Variants in BRCA2 observed in about 807,000 individuals in gnomAD.
BRCA2 encodes the protein BRCA2 DNA repair associated, also known as breast cancer type 2 susceptibility protein.
Under a neutral mutation model 276.7 loss-of-function variants are expected in BRCA2, and 203 were observed. The observed-to-expected ratio is 0.73, with a 90% CI of 0.65 to 0.82. The LOEUF is 0.82. Among genes scored for constraint, BRCA2 ranks in the 40% least tolerant of loss-of-function variants. The pLI, the probability that BRCA2 is intolerant of heterozygous loss-of-function variation, is 0.00. For synonymous variants in BRCA2, 1,289 were observed against 1,338.4 expected, an observed-to-expected ratio of 0.96 and a Z score of 0.81; for missense variants, 3,920 against 3,915.0, an observed-to-expected ratio of 1.00 and a Z score of -0.03.
At chr13:32,372,440 A>G (rs1407467482) in intron 20 of BRCA2, among the ~76,000 whole-genome samples, 4 of 152,184 alleles carry the variant, frequency 2.6e-5, no homozygotes, top group Admixed American at 1.3e-4. Context: ...GAAACTTACA[A>G]TCATGGCGGA....
At chr13:32,362,481 C>T (rs757736851) in intron 16 of BRCA2, 42 bp from the exon 17 acceptor site, 2 of 1,557,680 alleles carry the variant, frequency 1.3e-6, no homozygotes, top group Non-Finnish European at 1.8e-6. Flanking sequence ...CAGTATCATC[C>T]TATGTGGTTT....
At chr13:32,371,220 A>G in intron 20 of BRCA2, 120 bp downstream of exon 20, 15 of 1,051,004 alleles carry the variant, frequency 1.4e-5, no homozygotes, top group Non-Finnish European at 2.1e-5. Context: ...AATTGACTTT[A>G]TTTTTTAGTA....
At chr13:32,390,895 C>A (rs1409790570) in intron 24 of BRCA2, among the ~76,000 whole-genome samples, 1 of 152,156 alleles carries the variant, frequency 6.6e-6, no homozygotes, top group East Asian at 1.9e-4. Context: ...CTCATAGTCA[C>A]ACTGTTCATT....
rs398122586 is a variant in BRCA2, at chr13:32,357,761, C to G, written c.7637C>G (p.Ser2546Cys). 1 of 1,613,136 alleles carries G rather than the reference C, an allele frequency of 6.2e-7. No homozygotes were observed. Among genetic ancestry groups the G allele is most frequent in the South Asian group, 1.1e-5 (1 of 91,016 alleles). ...GTGTAGCTGTATACGTATGGCGTTT[C>G]TAAACATTGCATAAAAATTAACAGC... ...SHKQLYTYGVSKHCIKINSKN... is the reference protein window; with the variant it reads ...SHKQLYTYGVCKHCIKINSKN... Residue 2546 changes from serine to cysteine, a missense_variant, in exon 16 of 27, where the codon TCT (serine) becomes TGT (cysteine). This residue lies in a region of BRCA2 where 3,263 missense variants were observed against 3,156.9 expected (regional missense o/e 1.03). Transcript: ENST00000380152.
intron 20 of BRCA2, 65 bp downstream of exon 20, chr13:32,371,165 A>T (rs1451777815): frequency 6.6e-7 from 1 of 1,525,434 alleles, no homozygotes; most frequent in Non-Finnish European, 9.0e-7. Flanking sequence ...AGAGACTTTG[A>T]ATTTAACATT....
At chr13:32,379,941 GT>G in intron 23 of BRCA2, 28 bp downstream of exon 23, 2 of 1,612,920 alleles carry the variant, frequency 1.2e-6, no homozygotes, top group Non-Finnish European at 1.7e-6. Flanking sequence ...TAATTTTTCA[GT>G]TTTGATAAGT....
In BRCA2 at chr13:32,339,541, A is replaced by C. The variant is rs772860507; in HGVS notation, c.5186A>C (p.Lys1729Thr). The C allele has an allele frequency of 1.9e-6, 3 of 1,605,352 alleles. No individual in the cohort carries two copies. In the East Asian group the frequency reaches 6.7e-5, roughly 36 times the overall value. Reference sequence around the variant, plus strand: ...AACAGTACTATAGCTGAAAATGACAAAAATCATCTCTCCGAAAAACAAGAT... The same window carrying C: ...AACAGTACTATAGCTGAAAATGACACAAATCATCTCTCCGAAAAACAAGAT... Reference protein sequence around the residue: ...NSNSTIAENDKNHLSEKQDTY... With the variant: ...NSNSTIAENDTNHLSEKQDTY... The change falls in exon 11 of 27, where the codon AAA becomes ACA. Residue 1729 changes from lysine (K) to threonine (T), a missense_variant. This residue lies in a region of BRCA2 where 3,263 missense variants were observed against 3,156.9 expected (regional missense o/e 1.03). Coordinates refer to ENST00000380152, the MANE Select transcript of BRCA2 (RefSeq NM_000059.4).
At chr13:32,370,292 A>T in intron 18 of BRCA2, 110 bp from the exon 19 acceptor site, 2 of 1,082,520 alleles carry the variant, frequency 1.8e-6, no homozygotes, top group African/African-American at 3.2e-5. Flanking sequence ...AGACTTTTTA[A>T]AGTGAATATT....
At chr13:32,372,473 CT>C (rs2072841177) in intron 20 of BRCA2, among the ~76,000 whole-genome samples, 1 of 152,150 alleles carries the variant, frequency 6.6e-6, no homozygotes, top group Non-Finnish European at 1.5e-5. Flanking sequence ...AGCAAGTACC[CT>C]TTTCATAAGG....
At chr13:32,362,809 C>G in intron 17 of BRCA2, 116 bp downstream of exon 17, 2 of 1,093,924 alleles carry the variant, frequency 1.8e-6, no homozygotes, top group Non-Finnish European at 1.4e-6. Flanking sequence ...TGACAGTTGC[C>G]ATCCCACACT....
intron 24 of BRCA2, among the ~76,000 whole-genome samples, chr13:32,391,767 G>T (rs538066441): frequency 4.6e-5 from 7 of 152,308 alleles, no homozygotes; most frequent in East Asian, 1.9e-4. Context: ...CCTAGTGTAG[G>T]ATTCTAAAAG....
At chr13:32,347,345 G>C (rs1280051332) in intron 13 of BRCA2, among the ~76,000 whole-genome samples, 1 of 152,156 alleles carries the variant, frequency 6.6e-6, no homozygotes, top group Non-Finnish European at 1.5e-5. Context: ...GCATGAGAAA[G>C]CTAAAACCTG....
intron 24 of BRCA2, among the ~76,000 whole-genome samples, chr13:32,387,725 C>T (rs1284660925): frequency 4.6e-5 from 7 of 152,140 alleles, no homozygotes; most frequent in African/African-American, 7.2e-5. Flanking sequence ...TAGTAGATAG[C>T]GGTAGAAGGA....
rs2137450594 is a variant in BRCA2 at position 32,326,273 on chromosome 13, G to A, written c.507G>A (p.Lys169=). 6.2e-7 allele frequency: 1 copy of A among 1,612,996 alleles called. No individual in the cohort carries two copies. The highest frequency in any genetic ancestry group is 8.5e-7 in the Non-Finnish European group (1 of 1,179,150). The part of the protein sequence containing the change: ...VVCGSLFHTP[K]FVKGRQTPKH... The stretch of plus-strand genomic sequence containing the variant: ...GTGGGAGTTTGTTTCATACACCAAA[G>A]TTTGTGAAGGTAAATATTCTACCTG... The change falls in exon 6 of 27, where the codon AAG becomes AAA. Residue 169 remains lysine (K), a synonymous_variant. Coordinates refer to ENST00000380152, the MANE Select transcript of BRCA2 (RefSeq NM_000059.4).
intron 14 of BRCA2, among the ~76,000 whole-genome samples, chr13:32,356,196 C>A (rs1025460961): frequency 2.6e-5 from 4 of 151,640 alleles, no homozygotes; most frequent in African/African-American, 9.7e-5. Flanking sequence ...GCATGTGCCA[C>A]CACACCTGGC....
rs1400991957 is a variant in BRCA2, at chr13:32,326,235, C to G, written c.476-7C>G. 6.2e-7 allele frequency: 1 copy of G among 1,612,976 alleles called. No homozygotes were observed. Among genetic ancestry groups the G allele is most frequent in the Admixed American group, 1.7e-5 (1 of 59,998 alleles). On this transcript the variant is annotated splice_region_variant and splice_polypyrimidine_tract_variant and intron_variant, in intron 5 of 26. Transcript: ENST00000380152. ...ACTTAACAATTTTCCCCTTTTTTTA[C>G]CCCCAGTGGTATGTGGGAGTTTGTT...
At chr13:32,383,418 C>CT (rs1429559299) in intron 24 of BRCA2, among the ~76,000 whole-genome samples, 1 of 152,116 alleles carries the variant, frequency 6.6e-6, no homozygotes, top group Non-Finnish European at 1.5e-5. Flanking sequence ...AAATCATTAT[C>CT]TAAGAAAGTG....
chr13:32,392,210 C>G (rs891063369), intron 24 of BRCA2, among the ~76,000 whole-genome samples: 6 of 152,198 alleles, frequency 3.9e-5, no homozygotes, highest in African/African-American at 1.4e-4. Flanking sequence ...CTGAGAATGA[C>G]ATTTCCATTC....
In BRCA2 at chr13:32,337,035, G is replaced by T; in HGVS notation, c.2680G>T (p.Val894Leu). The stretch of plus-strand genomic sequence containing the variant: ...CAATGAGAATAATTTTGTCTTCCAA[G>T]TAGCTAATGAAAGGAATAATCTTGC... ...SDNENNFVFQVANERNNLALG... is the reference protein window; with the variant it reads ...SDNENNFVFQLANERNNLALG... The change falls in exon 11 of 27, where the codon GTA becomes TTA. Residue 894 changes from valine to leucine, a missense_variant. By Grantham distance (32) the Val-to-Leu change is conservative (BLOSUM62 1). Around this residue, in one of 2 missense-constraint regions of BRCA2, gnomAD observed 3,263 missense variants for 3,156.9 expected, o/e 1.03. Transcript: ENST00000380152. 1 of 1,597,898 alleles carries T rather than the reference G, an allele frequency of 6.3e-7. No individual in the cohort carries two copies. Among genetic ancestry groups the T allele is most frequent in the Non-Finnish European group, 8.5e-7 (1 of 1,174,686 alleles).
Sources: gnomAD v4.1 joint callset for allele counts (sites outside exome capture counted in the v4.1 genomes callset) on GRCh38, gnomAD v4.1.1 for gene constraint, gnomAD v4.1.1 regional missense constraint, MANE v1.5 for transcripts, NCBI Gene and HGNC (gene_info 2026-07-23, HGNC 2026-07-21) for gene names.